Variants in TENM3 observed in about 807,000 individuals in gnomAD.
The protein encoded by TENM3 is teneurin-3.
Under a neutral mutation model 255.1 loss-of-function variants are expected in TENM3, and 63 were observed. The ratio of observed to expected loss-of-function variants is 0.25; its 90% CI spans 0.20 to 0.30. TENM3 has a LOEUF of 0.30. TENM3 is among the 10% of genes least tolerant of loss of function. The pLI, the probability that TENM3 is intolerant of heterozygous loss-of-function variation, is 1.00. For missense variants in TENM3, 2,929 were observed against 3,461.1 expected (o/e 0.85, Z 3.86); for synonymous variants, 1,306 against 1,322.3 (o/e 0.99, Z 0.27).
At chr4:181,920,869 C>G in the TENM3 span, among the ~76,000 whole-genome samples, 1 of 152,102 alleles carries the variant, frequency 6.6e-6, no homozygotes, top group African/African-American at 2.4e-5. Context: ...GGTTTTAGGT[C>G]TAACGTTTAA....
At chr4:181,605,589 G>C in the TENM3 span, among the ~76,000 whole-genome samples, 1 of 35,740 alleles carries the variant, frequency 2.8e-5, no homozygotes. Context: ...AGAAAGGAAA[G>C]AAAGAAAGAA....
intron 1 of TENM3, among the ~76,000 whole-genome samples, chr4:182,277,940 G>A (rs531661904): frequency 6.6e-6 from 1 of 152,290 alleles, no homozygotes; most frequent in East Asian, 1.9e-4. Context: ...GTTAGCTGGT[G>A]GGACCCACTC....
At chr4:181,549,846 T>G in the TENM3 span, among the ~76,000 whole-genome samples, 4 of 152,310 alleles carry the variant, frequency 2.6e-5, no homozygotes, top group Non-Finnish European at 5.9e-5. Flanking sequence ...GGAAGCTGGG[T>G]TAGATCCTCT....
the TENM3 span, among the ~76,000 whole-genome samples, chr4:181,619,076 C>T: frequency 6.6e-6 from 1 of 152,150 alleles, no homozygotes; most frequent in East Asian, 1.9e-4. Flanking sequence ...GAGATTGAAG[C>T]AGGAAGGAGA....
At chr4:181,576,987 A>G in the TENM3 span, among the ~76,000 whole-genome samples, 89 of 128,868 alleles carry the variant, frequency 6.9e-4, no homozygotes, top group South Asian at 2.2e-4. Flanking sequence ...CTAATATTAT[A>G]TATATTATAT....
intron 1 of TENM3, among the ~76,000 whole-genome samples, chr4:182,197,881 G>T (rs1753927974): frequency 6.6e-6 from 1 of 152,198 alleles, no homozygotes; most frequent in Non-Finnish European, 1.5e-5. Flanking sequence ...GAGGCGGTCG[G>T]ATCACCTGAG....
the TENM3 span, among the ~76,000 whole-genome samples, chr4:181,922,567 G>A: frequency 6.6e-6 from 1 of 152,080 alleles, no homozygotes; most frequent in Non-Finnish European, 1.5e-5. Flanking sequence ...ATTTCTGTGG[G>A]ATCGGTGGTG....
At chr4:181,926,711 G>A in the TENM3 span, among the ~76,000 whole-genome samples, 1 of 152,036 alleles carries the variant, frequency 6.6e-6, no homozygotes, top group Non-Finnish European at 1.5e-5. Context: ...TATGGTCCTG[G>A]TGTGGCTGGC....
chr4:182,387,722 C>T (rs1045396782), intron 3 of TENM3, among the ~76,000 whole-genome samples: 3 of 151,982 alleles, frequency 2.0e-5, no homozygotes, highest in Non-Finnish European at 4.4e-5. Context: ...CGAAGGTCTG[C>T]AGCTTCACTC....
intron 12 of TENM3, among the ~76,000 whole-genome samples, chr4:182,704,254 A>G (rs1044131120): frequency 2.0e-5 from 3 of 152,224 alleles, no homozygotes; most frequent in African/African-American, 7.2e-5. Context: ...GGCTACCACA[A>G]AACTCATACA....
the TENM3 span, among the ~76,000 whole-genome samples, chr4:181,855,909 A>C: frequency 6.7e-6 from 1 of 148,828 alleles, no homozygotes; most frequent in Non-Finnish European, 1.5e-5. Flanking sequence ...AGAAGGGAGG[A>C]AGAAAGGAAG....
chr4:182,010,255 T>C, the TENM3 span, among the ~76,000 whole-genome samples: 12 of 152,324 alleles, frequency 7.9e-5, no homozygotes, highest in Non-Finnish European at 2.9e-5. Context: ...TAAATTGAAT[T>C]TTATTCTGAA....
the TENM3 span, among the ~76,000 whole-genome samples, chr4:182,009,376 G>A: frequency 6.6e-6 from 1 of 152,260 alleles, no homozygotes; most frequent in South Asian, 2.1e-4. Context: ...CCTCCCCCTA[G>A]GGCCTCAGGT....
intron 13 of TENM3, among the ~76,000 whole-genome samples, chr4:182,722,412 C>A (rs142220860): frequency 4.6e-5 from 7 of 152,248 alleles, no homozygotes; most frequent in African/African-American, 1.4e-4. Context: ...GTATTAAATG[C>A]CTACTTGGCG....
chr4:181,583,403 G>A, the TENM3 span, among the ~76,000 whole-genome samples: 1 of 92,852 alleles, frequency 1.1e-5, no homozygotes, highest in African/African-American at 3.4e-5. Flanking sequence ...AATATAGATA[G>A]GGTGACCAAC....
At chr4:181,589,244 G>A in the TENM3 span, among the ~76,000 whole-genome samples, 1 of 152,146 alleles carries the variant, frequency 6.6e-6, no homozygotes, top group Non-Finnish European at 1.5e-5. Flanking sequence ...TTCTAATCTG[G>A]TGGCCTCATG....
At chr4:181,787,427 C>T in the TENM3 span, among the ~76,000 whole-genome samples, 9 of 151,964 alleles carry the variant, frequency 5.9e-5, no homozygotes, top group African/African-American at 9.7e-5. Flanking sequence ...CAACCTCCAC[C>T]TCCTTGGTTC....
chr4:181,952,378 T>A, the TENM3 span, among the ~76,000 whole-genome samples: 143 of 152,336 alleles, frequency 9.4e-4, no homozygotes, highest in African/African-American at 3.4e-3. Flanking sequence ...ATAAATAGAC[T>A]GAGGAAGTCT....
intron 4 of TENM3, among the ~76,000 whole-genome samples, chr4:182,614,923 A>G (rs531960920): frequency 1.3e-5 from 2 of 151,442 alleles, no homozygotes; most frequent in Admixed American, 1.3e-4. Flanking sequence ...TTTTGAGAGT[A>G]TGGCAGGGCG....
Sources: allele counts gnomAD v4.1 joint callset (sites outside exome capture counted in the v4.1 genomes callset), GRCh38; gene constraint gnomAD v4.1.1; transcripts MANE v1.5; gene names NCBI Gene and HGNC (gene_info 2026-07-23, HGNC 2026-07-21).